Variants in AP3M2 observed in about 807,000 individuals in gnomAD.
AP3M2 encodes AP-3 complex subunit mu-2.
A neutral mutation model predicts 41.6 loss-of-function variants in AP3M2; 28 were observed. The observed-to-expected ratio is 0.67, with a 90% confidence interval of 0.50 to 0.92. The LOEUF is 0.92. Ranked by LOEUF, AP3M2 falls within the 40% of genes least tolerant of loss-of-function variation. The pLI, the probability that AP3M2 is intolerant of heterozygous loss-of-function variation, is 0.00. For synonymous variants in AP3M2, 193 were observed against 186.4 expected (o/e 1.04, Z -0.29); for missense variants, 427 against 521.4 (o/e 0.82, Z 1.76).
intron 2 of AP3M2, among the ~76,000 whole-genome samples, chr8:42,157,394 G>A (rs982765976): frequency 1.3e-5 from 2 of 152,150 alleles, no homozygotes; most frequent in African/African-American, 4.8e-5. Context: ...AGCACCTAAC[G>A]TTAGCCTTTT....
intron 6 of AP3M2, 72 bp downstream of exon 6, chr8:42,165,632 TAA>T: frequency 6.4e-7 from 1 of 1,557,006 alleles, no homozygotes; most frequent in Non-Finnish European, 8.7e-7. Flanking sequence ...CTGTGGTGAT[TAA>T]GAACTCAGGC....
intron 4 of AP3M2, among the ~76,000 whole-genome samples, chr8:42,163,411 A>T (rs1200884900): frequency 1.3e-5 from 2 of 152,248 alleles, no homozygotes; most frequent in African/African-American, 4.8e-5. Context: ...TGGGCACTTG[A>T]TGATGAATAA....
intron 3 of AP3M2, among the ~76,000 whole-genome samples, chr8:42,159,414 G>A (rs926138132): frequency 6.6e-6 from 1 of 152,120 alleles, no homozygotes; most frequent in Non-Finnish European, 1.5e-5. Context: ...AGAAACATTG[G>A]CAATTTGATA....
rs76570663 is a variant in AP3M2, at chr8:42,165,228, G to C, written c.669+72G>C. ...TGCTGCTGGAAAGACAGAGTAGTGGGAATGGAATAGAACAAGAAGAAATAA... is the reference window on the plus strand; with the variant it reads ...TGCTGCTGGAAAGACAGAGTAGTGGCAATGGAATAGAACAAGAAGAAATAA... On this transcript the variant is annotated intron_variant, in intron 5 of 8. Transcript: ENST00000396926. 2,775 of 1,514,564 alleles carry C rather than the reference G, an allele frequency of 1.8e-3. 63 individuals carry two copies. In the African/African-American group the frequency reaches 0.035, roughly 19 times the overall value. 93.8% of individuals were successfully genotyped at this position (1,514,564 alleles called of 1,614,324 possible). A position where few individuals can be genotyped will look rare whatever the true frequency, so the allele number is the denominator to read the frequency against.
chr8:42,157,824 A>AGT, intron 2 of AP3M2, 117 bp from the exon 3 acceptor site: 1 of 952,018 alleles, frequency 1.1e-6, no homozygotes, highest in Non-Finnish European at 1.5e-6. Flanking sequence ...GTTGTAGAAG[A>AGT]GTAGCCCAGA....
In AP3M2 at chr8:42,157,857, T is replaced by G. The variant is rs187757964; in HGVS notation, c.274-84T>G. The stretch of plus-strand genomic sequence containing the variant: ...AGAAACACATGGACAGGCCAGATCC[T>G]TATTCTCTGTAGGCACATTCTTTTA... On this transcript the variant is annotated intron_variant, in intron 2 of 8. Transcript: ENST00000396926. 4.2e-5 allele frequency: 57 copies of G among 1,370,598 alleles called. No homozygotes were observed. The East Asian group carries it at 1.1e-3, about 27-fold the overall frequency. 84.9% of individuals were successfully genotyped at this position (1,370,598 alleles called of 1,614,324 possible).
intron 2 of AP3M2, among the ~76,000 whole-genome samples, chr8:42,157,468 G>C: frequency 6.6e-6 from 1 of 152,134 alleles, no homozygotes; most frequent in East Asian, 1.9e-4. Flanking sequence ...GGAATTTTCA[G>C]GTGTGCTAGC....
At chr8:42,160,102 A>G (rs1388658149) in intron 3 of AP3M2, among the ~76,000 whole-genome samples, 2 of 152,238 alleles carry the variant, frequency 1.3e-5, no homozygotes, top group Non-Finnish European at 2.9e-5. Flanking sequence ...AACTTTTTGG[A>G]TACTGACATG....
In AP3M2 at chr8:42,165,551, G is replaced by A; in HGVS notation, c.794G>A (p.Ser265Asn). Residue 265 changes from serine (S) to asparagine (N), a missense_variant, in exon 6 of 9, where the codon AGT becomes AAT. Transcript: ENST00000396926. ...GNFRLLSYHV[S>N]AQNLVAIPVY... ...TTCCGCCTGCTGTCTTACCATGTCA[G>A]TGCACAGAAGTAAGCAGCTCTTATA... The A allele has an allele frequency of 6.2e-7, 1 of 1,614,146 alleles. No homozygotes were observed. Among genetic ancestry groups the A allele is most frequent in the Non-Finnish European group, 8.5e-7 (1 of 1,180,012 alleles).
At chr8:42,156,062 GGAAGAACTA>G (rs1473172212) in intron 2 of AP3M2, 1 of 453,128 alleles carries the variant, frequency 2.2e-6, no homozygotes, top group Non-Finnish European at 4.4e-6. Flanking sequence ...CCCAGTATGT[GGAAGAACTA>G]GAAGAACCCA....
intron 8 of AP3M2, 99 bp from the exon 9 acceptor site, chr8:42,168,862 C>T (rs1348110154): frequency 2.3e-5 from 19 of 808,690 alleles, no homozygotes; most frequent in Non-Finnish European, 3.1e-5. Context: ...ACAGCAATGT[C>T]GGTCCCACTG....
Position 42,154,841 on chromosome 8 carries a change from C to G in AP3M2, c.154C>G (p.Pro52Ala). The G allele has an allele frequency of 6.2e-7, 1 of 1,614,094 alleles. No homozygotes were observed. Among genetic ancestry groups the G allele is most frequent in the Non-Finnish European group, 8.5e-7 (1 of 1,180,024 alleles). ...AENVPPVIPT[P>A]HHYLLSVYRH... ...AAATGTGCCTCCGGTTATCCCTACC[C>G]CTCACCACTATCTCTTAAGTGTTTA... Residue 52 changes from proline (P) to alanine (A), a missense_variant, in exon 2 of 9, where the codon CCT becomes GCT. Around this residue, in one of 3 missense-constraint regions of AP3M2, gnomAD observed 104 missense variants for 93.8 expected, o/e 1.11. Transcript: ENST00000396926.
chr8:42,154,697 A>G lies in AP3M2; in HGVS notation c.10A>G (p.Ser4Gly). 6.2e-7 allele frequency: 1 copy of G among 1,614,006 alleles called. No homozygotes were observed. Among genetic ancestry groups the G allele is most frequent in the Non-Finnish European group, 8.5e-7 (1 of 1,179,964 alleles). ...ACTGACAATCGCCACCATGATCCAT[A>G]GTCTTTTCTTGATCAACTCCTCTGG... Reference protein sequence around the residue: MIHSLFLINSSGDI... With the variant: MIHGLFLINSSGDI... The change falls in exon 2 of 9, where the codon AGT (serine) becomes GGT (glycine). Residue 4 changes from serine (S) to glycine (G), a missense_variant. By Grantham distance (56) the Ser-to-Gly change is moderately conservative. Coordinates refer to ENST00000396926, the MANE Select transcript of AP3M2 (RefSeq NM_006803.4).
At position 42,154,619 on chromosome 8, in the gene AP3M2, T is replaced by C; in HGVS notation, c.-69T>C. ...ATATCGCTGCTTTTGTTTTTAGAGT[T>C]GAAAACTTACAGAGTCCTGAGGCTT... On this transcript the variant is annotated 5_prime_UTR_variant, in exon 2 of 9. Coordinates refer to ENST00000396926, the MANE Select transcript of AP3M2 (RefSeq NM_006803.4). 6 of 1,558,806 alleles carry C rather than the reference T, an allele frequency of 3.8e-6. No individual in the cohort carries two copies. The highest frequency in any genetic ancestry group is 5.2e-6 in the Non-Finnish European group (6 of 1,159,928).
chr8:42,158,748 A>G (rs185676420), intron 3 of AP3M2, among the ~76,000 whole-genome samples: 154 of 152,092 alleles, frequency 1.0e-3, no homozygotes, highest in Non-Finnish European at 2.0e-3. Flanking sequence ...CACTTTTAAC[A>G]TGTGATATTT....
intron 3 of AP3M2, among the ~76,000 whole-genome samples, chr8:42,158,749 T>C (rs1050055421): frequency 6.6e-6 from 1 of 151,830 alleles, no homozygotes; most frequent in African/African-American, 2.4e-5. Flanking sequence ...ACTTTTAACA[T>C]GTGATATTTT....
At position 42,170,413 on chromosome 8, in the gene AP3M2, AC is replaced by A. The variant is rs1804766821; in HGVS notation, c.*1354del. On this transcript the variant is annotated 3_prime_UTR_variant, in exon 9 of 9. Coordinates refer to ENST00000396926, the MANE Select transcript of AP3M2 (RefSeq NM_006803.4). ...TAAGAAACATGGCAACTAAAGGGAT[AC>A]CTCAGGCTTTCTTTCCCAGTGGGTC... The A allele has an allele frequency of 6.6e-6, 1 of 152,166 alleles. No individual in the cohort carries two copies. Among genetic ancestry groups the A allele is most frequent in the Non-Finnish European group, 1.5e-5 (1 of 68,022 alleles). The allele number at this position is 152,166 out of a possible 1,614,324, so 9.4% of individuals were successfully genotyped here. A position where few individuals can be genotyped will look rare whatever the true frequency, so the allele number is the denominator to read the frequency against.
chr8:42,158,901 C>A (rs1253618359), intron 3 of AP3M2, among the ~76,000 whole-genome samples: 2 of 151,858 alleles, frequency 1.3e-5, no homozygotes, highest in Admixed American at 6.6e-5. Context: ...TCAAGCGATT[C>A]TCCTACCTCA....
rs1010639733 is a variant in AP3M2 at position 42,154,629 on chromosome 8, C to A, written c.-59C>A. 2.0e-5 allele frequency: 31 copies of A among 1,572,786 alleles called. No homozygotes were observed. Among genetic ancestry groups the A allele is most frequent in the African/African-American group, 5.5e-5 (4 of 72,970 alleles). On this transcript the variant is annotated 5_prime_UTR_variant, in exon 2 of 9. Coordinates refer to ENST00000396926, the MANE Select transcript of AP3M2 (RefSeq NM_006803.4). ...TTTTGTTTTTAGAGTTGAAAACTTA[C>A]AGAGTCCTGAGGCTTTCAGACTGAA...
Sources: gnomAD v4.1 joint callset for allele counts (sites outside exome capture counted in the v4.1 genomes callset) on GRCh38, gnomAD v4.1.1 for gene constraint, gnomAD v4.1.1 regional missense constraint, MANE v1.5 for transcripts, NCBI Gene and HGNC (gene_info 2026-07-23, HGNC 2026-07-21) for gene names.